Variants in PTPRN2 observed in about 807,000 individuals in gnomAD.
PTPRN2 encodes the protein protein tyrosine phosphatase receptor type N2.
In PTPRN2, 74 loss-of-function variants were observed where a neutral mutation model predicts 118.8. That is an observed-to-expected ratio of 0.62 (90% CI 0.52 to 0.76). The LOEUF is 0.76. PTPRN2 is among the 30% of genes least tolerant of loss of function. The pLI is 0.00. For missense variants in PTPRN2, 1,481 were observed against 1,394.4 expected, an observed-to-expected ratio of 1.06 and a Z score of -0.99; for synonymous variants, 641 against 608.0, an observed-to-expected ratio of 1.05 and a Z score of -0.80.
chr7:158,499,232 G>A (rs1822178319), intron 1 of PTPRN2, among the ~76,000 whole-genome samples: 1 of 151,988 alleles, frequency 6.6e-6, no homozygotes, highest in Non-Finnish European at 1.5e-5. Flanking sequence ...AACCAGCTGG[G>A]CCCTGTTAAA....
At chr7:158,321,133 CA>C (rs1802979864) in intron 2 of PTPRN2, among the ~76,000 whole-genome samples, 1 of 152,110 alleles carries the variant, frequency 6.6e-6, no homozygotes, top group Non-Finnish European at 1.5e-5. Context: ...ATCTACACAG[CA>C]GGGGTGCCGG....
intron 5 of PTPRN2, among the ~76,000 whole-genome samples, chr7:158,170,990 T>C (rs1289404476): frequency 6.8e-6 from 1 of 147,118 alleles, no homozygotes; most frequent in Non-Finnish European, 1.5e-5. Flanking sequence ...CATATATATA[T>C]ACACATACAT....
At chr7:158,512,585 C>T (rs913942432) in intron 1 of PTPRN2, among the ~76,000 whole-genome samples, 5 of 152,186 alleles carry the variant, frequency 3.3e-5, no homozygotes, top group South Asian at 2.1e-4. Context: ...CACATCTTCT[C>T]GCTCCGTCAG....
chr7:158,149,711 G>C (rs1353212063), intron 6 of PTPRN2, among the ~76,000 whole-genome samples: 1 of 152,134 alleles, frequency 6.6e-6, no homozygotes, highest in East Asian at 1.9e-4. Context: ...GGCTAAGGCA[G>C]GAGAATTGCT....
intron 2 of PTPRN2, among the ~76,000 whole-genome samples, chr7:158,449,105 T>C (rs1817924317): frequency 6.6e-6 from 1 of 152,190 alleles, no homozygotes. Context: ...CCAGGGACTT[T>C]CACACCAGAG....
In PTPRN2 at chr7:157,581,844, G is replaced by A. The variant is rs370321555; in HGVS notation, c.2497-3704C>T. Among the ~76,000 whole-genome samples, 6 of 152,342 alleles carry A rather than the reference G, an allele frequency of 3.9e-5. No individual in the cohort carries two copies. The East Asian group carries it at 7.7e-4, about 20-fold the overall frequency. On this transcript the variant is annotated intron_variant, in intron 17 of 22. Coordinates refer to ENST00000389418, the MANE Select transcript of PTPRN2 (RefSeq NM_002847.5). ...AGCTGAGGGTGGGTCCCAATCCAAC[G>A]TGACTGTGTCTTTAGAAGAAGAGGG...
intron 12 of PTPRN2, among the ~76,000 whole-genome samples, chr7:157,879,402 C>T (rs562211178): frequency 3.7e-4 from 55 of 148,784 alleles, no homozygotes; most frequent in Non-Finnish European, 6.5e-4. Flanking sequence ...CACTCGTGCA[C>T]GCACACGTGC....
rs144600270 is a variant in PTPRN2, at chr7:158,231,161, G to C, written c.278-25888C>G. On this transcript the variant is annotated intron_variant, in intron 3 of 22. Coordinates refer to ENST00000389418, the MANE Select transcript of PTPRN2 (RefSeq NM_002847.5). ...ATGTGCCTGTGGTCTCAGCTACTTG[G>C]GATGCTGAGGTGGGAGGATCACTTG... Among the ~76,000 whole-genome samples the C allele has an allele frequency of 1.7e-3, 258 of 152,228 alleles. 2 individuals carry two copies. Among genetic ancestry groups the C allele is most frequent in the African/African-American group, 5.6e-3 (233 of 41,546 alleles).
Position 158,167,328 on chromosome 7 carries a change from A to G in PTPRN2, c.550-37T>C, listed in dbSNP as rs201665327. 6.5e-6 allele frequency: 10 copies of G among 1,536,224 alleles called. No individual in the cohort carries two copies. In the East Asian group the frequency reaches 2.1e-4, roughly 32 times the overall value. On this transcript the variant is annotated intron_variant, in intron 5 of 22. Coordinates refer to ENST00000389418, the MANE Select transcript of PTPRN2 (RefSeq NM_002847.5). ...GAGAGCAAAACAGAGCAAGAGTCAC[A>G]TTTCCATCGTCAGCTGGGGGCACCA...
chr7:157,771,857 C>G (rs57674474), intron 12 of PTPRN2, among the ~76,000 whole-genome samples: 6,081 of 149,510 alleles, frequency 0.041, 297 homozygotes, highest in African/African-American at 0.1. Flanking sequence ...AACAGACACA[C>G]ACGGAGACAC....
chr7:157,828,395 G>A (rs1381778623), intron 12 of PTPRN2, among the ~76,000 whole-genome samples: 1 of 152,158 alleles, frequency 6.6e-6, no homozygotes, highest in African/African-American at 2.4e-5. Context: ...TACAAGACTT[G>A]CCCCCACTTC....
chr7:158,497,672 C>T (rs1822053276), intron 1 of PTPRN2, among the ~76,000 whole-genome samples: 1 of 152,342 alleles, frequency 6.6e-6, no homozygotes, highest in Non-Finnish European at 1.5e-5. Context: ...CAAGGCAGGA[C>T]CCCAAAACAG....
intron 1 of PTPRN2, among the ~76,000 whole-genome samples, chr7:158,569,098 G>T (rs763810767): frequency 1.3e-5 from 2 of 152,264 alleles, no homozygotes; most frequent in Non-Finnish European, 2.9e-5. Flanking sequence ...CTGCACTCCA[G>T]CCTGGGCGAC....
At chr7:157,791,559 C>G (rs375370752) in intron 12 of PTPRN2, among the ~76,000 whole-genome samples, 83 of 149,028 alleles carry the variant, frequency 5.6e-4, no homozygotes, top group Admixed American at 1.4e-3. Context: ...ACCTGCCCCC[C>G]CTCCCTGCAC....
intron 12 of PTPRN2, among the ~76,000 whole-genome samples, chr7:157,725,672 G>C (rs1799538201): frequency 8.9e-6 from 1 of 112,858 alleles, no homozygotes. Context: ...ACAGAGGAGT[G>C]AGCCAGACCC....
At chr7:158,497,477 G>A (rs1563361661) in intron 1 of PTPRN2, among the ~76,000 whole-genome samples, 2 of 151,968 alleles carry the variant, frequency 1.3e-5, no homozygotes, top group Non-Finnish European at 2.9e-5. Context: ...TCTCAGCGCA[G>A]GGCATTTCTG....
At chr7:158,281,341 T>C (rs1306894540) in intron 3 of PTPRN2, among the ~76,000 whole-genome samples, 1 of 152,158 alleles carries the variant, frequency 6.6e-6, no homozygotes, top group African/African-American at 2.4e-5. Context: ...TTTAAAAGCA[T>C]ATAAAACAGT....
Position 158,192,404 on chromosome 7 carries a change from G to A in PTPRN2, c.472C>T (p.Leu158=). 1 of 1,537,882 alleles carries A rather than the reference G, an allele frequency of 6.5e-7. No individual in the cohort carries two copies. The highest frequency in any genetic ancestry group is 8.7e-7 in the Non-Finnish European group (1 of 1,152,914). ...GCTGGGGCCTGGGACAGGGCCTCCA[G>A]GAAGGGCAGGTGGCGTCGGAGGGCG... ...ANALRRHLPF[L]EALSQAPASD... Residue 158 remains leucine (L), a synonymous_variant, in exon 5 of 23, where the codon CTG becomes TTG. Transcript: ENST00000389418.
At chr7:158,371,377 C>T (rs1485622916) in intron 2 of PTPRN2, among the ~76,000 whole-genome samples, 3 of 150,912 alleles carry the variant, frequency 2.0e-5, no homozygotes, top group East Asian at 3.9e-4. Context: ...GAAGATTTAA[C>T]CTTCTATTTT....
Sources: gnomAD v4.1 joint callset for allele counts (sites outside exome capture counted in the v4.1 genomes callset) on GRCh38, gnomAD v4.1.1 for gene constraint, MANE v1.5 for transcripts, NCBI Gene and HGNC (gene_info 2026-07-23, HGNC 2026-07-21) for gene names.